DOK5: variants seen among roughly 807,000 people sequenced by gnomAD.
DOK5 encodes downstream of tyrosine kinase 5.
DOK5 carries 27 observed loss-of-function variants against 43.3 expected under a neutral mutation model. That is an observed-to-expected ratio of 0.62 (90% CI 0.46 to 0.86). DOK5 has a LOEUF of 0.86. Ranked by LOEUF, DOK5 falls within the 40% of genes least tolerant of loss-of-function variation. The pLI is 0.00. For synonymous variants in DOK5, 146 were observed against 140.1 expected (o/e 1.04, Z -0.30); for missense variants, 373 against 392.9 (o/e 0.95, Z 0.43).
intron 2 of DOK5, among the ~76,000 whole-genome samples, chr20:54,566,691 A>G (rs1985110648): frequency 6.6e-6 from 1 of 152,162 alleles, no homozygotes; most frequent in Admixed American, 6.5e-5. Context: ...ATTAGGGTTC[A>G]CTGCGGCCTT....
In DOK5 at chr20:54,475,789, GATGTGCGCCTTCTA is replaced by G. The variant is rs778347873; in HGVS notation, c.-156_-143del. 1.2e-4 allele frequency: 99 copies of G among 836,390 alleles called. No individual in the cohort carries two copies. The highest frequency in any genetic ancestry group is 1.7e-4 in the Non-Finnish European group (91 of 530,672). The allele number at this position is 836,390 out of a possible 1,614,324, so 51.8% of individuals were successfully genotyped here. On this transcript the variant is annotated 5_prime_UTR_variant, in exon 1 of 8. It removes an upstream start codon present in the reference 5' UTR. Coordinates refer to ENST00000262593, the MANE Select transcript of DOK5 (RefSeq NM_018431.5). This position sits in a 1 kb window ranked among gnomAD's most constrained non-coding sequence, Gnocchi z 4.2. The stretch of plus-strand genomic sequence containing the variant: ...TCAGGGTTGGGGGGACAGAGAAAGT[GATGTGCGCCTTCTA>G]AAGCCTCGCCCAGCGCCGCCGAAGC...
chr20:54,636,972 A>C (rs1978854020), intron 6 of DOK5, among the ~76,000 whole-genome samples: 1 of 152,236 alleles, frequency 6.6e-6, no homozygotes, highest in Non-Finnish European at 1.5e-5. Context: ...CATGACTAGC[A>C]CATTGTTTTC....
intron 1 of DOK5, among the ~76,000 whole-genome samples, chr20:54,485,874 T>G (rs905862303): frequency 9.2e-5 from 14 of 152,194 alleles, no homozygotes; most frequent in African/African-American, 2.9e-4. Context: ...TGGTATCTTA[T>G]TGTGGTTTTA....
intron 1 of DOK5, among the ~76,000 whole-genome samples, chr20:54,542,557 G>A (rs1309186151): frequency 6.6e-6 from 1 of 152,196 alleles, no homozygotes; most frequent in Non-Finnish European, 1.5e-5. Flanking sequence ...ACTGACAAAG[G>A]AAGGGTTCCC....
intron 1 of DOK5, among the ~76,000 whole-genome samples, chr20:54,553,787 C>G (rs1229739822): frequency 6.6e-6 from 1 of 150,514 alleles, no homozygotes. Flanking sequence ...ATTCCAGCTA[C>G]TCAGGAGTCT....
rs576290815 is a variant in DOK5 at position 54,514,079 on chromosome 20, G to A, written c.66+38067G>A. Among the ~76,000 whole-genome samples, 6 of 152,262 alleles carry A rather than the reference G, an allele frequency of 3.9e-5. No individual in the cohort carries two copies. The East Asian group carries it at 9.6e-4, about 24-fold the overall frequency. On this transcript the variant is annotated intron_variant, in intron 1 of 7. Coordinates refer to ENST00000262593, the MANE Select transcript of DOK5 (RefSeq NM_018431.5). ...ATTCAAGGGAATAGCTGGGAAGTCC[G>A]AAGTGGTTTTGGATTCTGATTTCTT...
intron 2 of DOK5, among the ~76,000 whole-genome samples, chr20:54,569,756 T>C (rs1985223700): frequency 6.6e-6 from 1 of 152,146 alleles, no homozygotes; most frequent in Non-Finnish European, 1.5e-5. Flanking sequence ...GGTGCACAAA[T>C]GGATTATTTT....
intron 6 of DOK5, among the ~76,000 whole-genome samples, chr20:54,613,009 C>G (rs377718900): frequency 2.2e-4 from 33 of 152,286 alleles, no homozygotes; most frequent in African/African-American, 7.7e-4. Context: ...CAGCCCAGAG[C>G]TCATTATATA....
Position 54,481,176 on chromosome 20 carries a change from A to C in DOK5, c.66+5164A>C, listed in dbSNP as rs887262177. ...TATCTATCTATCTATCTATCTATCT[A>C]TCTATATTTTTTTGGCGGAGTCTTG... On this transcript the variant is annotated intron_variant, in intron 1 of 7. Transcript: ENST00000262593. 5.4e-4 allele frequency among the ~76,000 whole-genome samples: 75 copies of C among 137,748 alleles called. 1 individual carries two copies. Among genetic ancestry groups the C allele is most frequent in the African/African-American group, 1.8e-3 (68 of 38,212 alleles). 90.4% of individuals were successfully genotyped at this position (137,748 alleles called of 152,430 possible). A position where few individuals can be genotyped will look rare whatever the true frequency, so the allele number is the denominator to read the frequency against.
intron 7 of DOK5, among the ~76,000 whole-genome samples, chr20:54,644,671 A>T (rs13040523): frequency 2.9e-4 from 43 of 147,704 alleles, no homozygotes; most frequent in African/African-American, 9.2e-4. Context: ...GCGCCACTGC[A>T]CTCCAGCCTG....
chr20:54,493,664 C>T (rs74769912), intron 1 of DOK5, among the ~76,000 whole-genome samples: 3,370 of 152,242 alleles, frequency 0.022, 107 homozygotes, highest in African/African-American at 0.072. Flanking sequence ...AGGCTGAATG[C>T]GGTGGCTCAG....
intron 1 of DOK5, among the ~76,000 whole-genome samples, chr20:54,534,123 C>G (rs1268942445): frequency 1.3e-5 from 2 of 152,108 alleles, no homozygotes; most frequent in African/African-American, 2.4e-5. Context: ...TTGATCAAAC[C>G]TTGGGAATTT....
chr20:54,622,524 C>T (rs1440564970), intron 6 of DOK5, among the ~76,000 whole-genome samples: 4 of 152,204 alleles, frequency 2.6e-5, no homozygotes, highest in South Asian at 2.1e-4. Flanking sequence ...GCTCCTGTCA[C>T]GGTGCCAGGG....
intron 1 of DOK5, among the ~76,000 whole-genome samples, chr20:54,535,740 A>G (rs1983941525): frequency 6.6e-6 from 1 of 152,218 alleles, no homozygotes; most frequent in Admixed American, 6.5e-5. Flanking sequence ...CACTTGGTAC[A>G]ATGAACTTTT....
chr20:54,536,257 C>G (rs915414116), intron 1 of DOK5, among the ~76,000 whole-genome samples: 2 of 152,168 alleles, frequency 1.3e-5, no homozygotes, highest in Admixed American at 1.3e-4. Flanking sequence ...ATGGTGACAT[C>G]ATGGTAGACT....
chr20:54,502,339 G>A (rs1982640148), intron 1 of DOK5, among the ~76,000 whole-genome samples: 2 of 152,168 alleles, frequency 1.3e-5, no homozygotes, highest in Admixed American at 6.6e-5. Flanking sequence ...GATAACTGGT[G>A]AATCAGAGTA....
chr20:54,636,926 A>G (rs554197408), intron 6 of DOK5, among the ~76,000 whole-genome samples: 2 of 152,258 alleles, frequency 1.3e-5, no homozygotes, highest in Non-Finnish European at 2.9e-5. Flanking sequence ...ACAAACATTC[A>G]AACCATAGCA....
chr20:54,533,222 A>T (rs547506156), intron 1 of DOK5, among the ~76,000 whole-genome samples: 3 of 152,308 alleles, frequency 2.0e-5, no homozygotes, highest in Non-Finnish European at 4.4e-5. Context: ...GTCCCTACCC[A>T]TGAGATGCCA....
At chr20:54,561,826 T>C (rs1005765147) in intron 2 of DOK5, among the ~76,000 whole-genome samples, 3 of 152,120 alleles carry the variant, frequency 2.0e-5, no homozygotes, top group Non-Finnish European at 4.4e-5. Flanking sequence ...CCGGCTAATT[T>C]TGTATTTTTA....
Sources: gnomAD v4.1 joint callset for allele counts (sites outside exome capture counted in the v4.1 genomes callset) on GRCh38, gnomAD v4.1.1 for gene constraint, Gnocchi (gnomAD v3.1) non-coding constraint, MANE v1.5 for transcripts, NCBI Gene and HGNC (gene_info 2026-07-23, HGNC 2026-07-21) for gene names.